The following DIPK2B variants were observed in gnomAD, a reference collection of about 807,000 sequenced individuals.
The protein encoded by DIPK2B is divergent protein kinase domain 2B.
A neutral mutation model predicts 22.2 loss-of-function variants in DIPK2B; 15 were observed. The ratio of observed to expected loss-of-function variants is 0.68; its 90% CI spans 0.45 to 1.04. DIPK2B has a LOEUF of 1.04. DIPK2B is among the 50% of genes least tolerant of loss of function. DIPK2B has a pLI of 0.00. For missense variants in DIPK2B, 345 were observed against 348.3 expected (o/e 0.99, Z 0.08); for synonymous variants, 163 against 153.2 (o/e 1.06, Z -0.47).
chrX:45,161,935 G>A (rs1361071923), intron 2 of DIPK2B, among the ~76,000 whole-genome samples: 1 of 112,006 alleles, frequency 8.9e-6, no homozygotes, highest in African/African-American at 3.3e-5. Flanking sequence ...ACTGGCTTTG[G>A]TGACTCACTT....
Position 45,200,597 on chromosome X carries a change from A to G in DIPK2B, c.230T>C (p.Ile77Thr), listed in dbSNP as rs1366078433. 1 of 1,207,434 alleles carries G rather than the reference A, an allele frequency of 8.3e-7. No homozygotes were observed. The highest frequency in any genetic ancestry group is 1.7e-5 in the African/African-American group (1 of 57,811). The change falls in exon 1 of 5, where the codon ATA becomes ACA. Residue 77 changes from isoleucine (I) to threonine (T), a missense_variant. Physicochemically the swap from Ile to Thr is moderately conservative, Grantham distance 89. Transcript: ENST00000398000. ...GTTATTTGATTGATATTCTGACCTTATTTCTTCTTTAAAGAACTTCTTGCA... is the reference window on the plus strand; with the variant it reads ...GTTATTTGATTGATATTCTGACCTTGTTTCTTCTTTAAAGAACTTCTTGCA... Reference protein sequence around the residue: ...SICKKFFKEEIRSDNWLASHL... With the variant: ...SICKKFFKEETRSDNWLASHL...
intron 2 of DIPK2B, among the ~76,000 whole-genome samples, chrX:45,186,347 T>C (rs1307896260): frequency 9.0e-6 from 1 of 111,229 alleles, no homozygotes; most frequent in East Asian, 2.8e-4. Flanking sequence ...CGGGGTCTCA[T>C]GATTTCAGTG....
Position 45,151,329 on chromosome X carries a change from T to G in DIPK2B, c.*323A>C. ...TGTGTCCCAAGACCCATGCTTGGGA[T>G]ATATGCTCAGTGGTGGCTCCATCTG... On this transcript the variant is annotated 3_prime_UTR_variant, in exon 5 of 5. Coordinates refer to ENST00000398000, the MANE Select transcript of DIPK2B (RefSeq NM_176819.4). 3.7e-6 allele frequency: 1 copy of G among 269,570 alleles called. No individual in the cohort carries two copies. The highest frequency in any genetic ancestry group is 6.5e-6 in the Non-Finnish European group (1 of 153,534). 22.2% of individuals were successfully genotyped at this position (269,570 alleles called of 1,213,427 possible). A position where few individuals can be genotyped will look rare whatever the true frequency, so the allele number is the denominator to read the frequency against.
At chrX:45,192,138 G>A (rs1380913863) in intron 1 of DIPK2B, 123 bp from the exon 2 acceptor site, 2 of 719,085 alleles carry the variant, frequency 2.8e-6, no homozygotes, top group African/African-American at 2.2e-5. Context: ...TGAGGTGTTC[G>A]AAATTCTTTC....
Position 45,151,238 on chromosome X carries a change from A to C in DIPK2B, c.*414T>G. 7.6e-6 allele frequency: 1 copy of C among 132,110 alleles called. No individual in the cohort carries two copies. The highest frequency in any genetic ancestry group is 1.5e-5 in the Non-Finnish European group (1 of 66,418). The allele number at this position is 132,110 out of a possible 1,213,427, so 10.9% of individuals were successfully genotyped here. On this transcript the variant is annotated 3_prime_UTR_variant, in exon 5 of 5. Transcript: ENST00000398000. ...CTCCTGACCTGAGCAGCTCTTTCTC[A>C]TGCTCCCCGCCTCTGTGCTTTTCCA...
At chrX:45,157,640 G>A in intron 3 of DIPK2B, 75 bp downstream of exon 3, 2 of 1,023,732 alleles carry the variant, frequency 2.0e-6, no homozygotes, top group Non-Finnish European at 2.6e-6. Flanking sequence ...AGGAGGGAGA[G>A]AGCTCAATCC....
At chrX:45,197,209 G>C (rs1399649885) in intron 1 of DIPK2B, among the ~76,000 whole-genome samples, 2 of 106,986 alleles carry the variant, frequency 1.9e-5, no homozygotes, top group Non-Finnish European at 3.9e-5. Context: ...TTTTTTGAGA[G>C]AGAGTCTTTC....
chrX:45,189,704 C>T (rs952778635), intron 2 of DIPK2B, among the ~76,000 whole-genome samples: 2 of 111,353 alleles, frequency 1.8e-5, no homozygotes, highest in African/African-American at 3.3e-5. Flanking sequence ...ACCCTGGGCC[C>T]GCTGTGGAAT....
intron 2 of DIPK2B, among the ~76,000 whole-genome samples, chrX:45,176,531 A>G (rs765858275): frequency 6.2e-5 from 7 of 112,169 alleles, no homozygotes; most frequent in Admixed American, 1.9e-4. Context: ...ATCTAAAAAC[A>G]TGATGGTATG....
intron 2 of DIPK2B, chrX:45,164,313 AT>A: frequency 8.9e-7 from 1 of 1,126,979 alleles, no homozygotes. Context: ...TGTGACATTA[AT>A]TTTCGCAGCT....
intron 2 of DIPK2B, chrX:45,162,348 CA>C (rs2047026338): frequency 1.3e-6 from 1 of 743,013 alleles, no homozygotes; most frequent in Admixed American, 8.8e-5. Context: ...TAATACACAA[CA>C]ATAGATAACT....
At chrX:45,197,891 T>C (rs757304985) in intron 1 of DIPK2B, among the ~76,000 whole-genome samples, 68 of 111,981 alleles carry the variant, frequency 6.1e-4, no homozygotes, top group Non-Finnish European at 7.5e-4. Flanking sequence ...ATGTTTGACA[T>C]AGAACTGTTT....
At chrX:45,180,615 GC>G (rs1401048969) in intron 2 of DIPK2B, among the ~76,000 whole-genome samples, 3 of 111,687 alleles carry the variant, frequency 2.7e-5, no homozygotes, top group African/African-American at 9.8e-5. Flanking sequence ...TCTATAGCAA[GC>G]TATTAGAAAT....
rs73204291 is a variant in DIPK2B, at chrX:45,149,048, C to T, written c.*2604G>A. ...GAGGAGAGAAGGGGGCAAGTGCTTA[C>T]CTTGAACCCGTGCAGGTGGACAGAT... On this transcript the variant is annotated 3_prime_UTR_variant, in exon 5 of 5. Transcript: ENST00000398000. The T allele has an allele frequency of 8.9e-6, 1 of 112,259 alleles. No homozygotes were observed. Among genetic ancestry groups the T allele is most frequent in the Non-Finnish European group, 1.9e-5 (1 of 53,258 alleles). The allele number at this position is 112,259 out of a possible 1,213,427, so 9.3% of individuals were successfully genotyped here.
In DIPK2B at chrX:45,153,923, G is replaced by A. The variant is rs763456706; in HGVS notation, c.948C>T (p.Ile316=). The A allele has an allele frequency of 5.8e-6, 7 of 1,206,855 alleles. No homozygotes were observed. Among genetic ancestry groups the A allele is most frequent in the African/African-American group, 3.5e-5 (2 of 56,630 alleles). ...CATGCTGAGTACCTTCCTGCTTGTC[G>A]ATGACGCCCACTGCACTGGCATCCC... ...FIRDASAVGV[I]DKQEGSQEAN... Residue 316 remains isoleucine, a synonymous_variant, in exon 4 of 5, where the codon ATC becomes ATT. Coordinates refer to ENST00000398000, the MANE Select transcript of DIPK2B (RefSeq NM_176819.4).
At chrX:45,185,659 T>C (rs899082492) in intron 2 of DIPK2B, among the ~76,000 whole-genome samples, 6 of 101,990 alleles carry the variant, frequency 5.9e-5, no homozygotes, top group South Asian at 4.7e-4. Context: ...TTTTCTTTTT[T>C]TTTTTTTTTT....
chrX:45,160,367 C>T (rs1445645232), intron 2 of DIPK2B, among the ~76,000 whole-genome samples: 1 of 110,532 alleles, frequency 9.0e-6, no homozygotes, highest in Admixed American at 9.6e-5. Context: ...ACTGCCATGC[C>T]TGGCTAATTT....
At chrX:45,191,352 T>G in intron 2 of DIPK2B, 1 of 144,924 alleles carries the variant, frequency 6.9e-6, no homozygotes, top group Non-Finnish European at 1.3e-5. Flanking sequence ...ACAGGATATA[T>G]ATGGGAGCTT....
intron 2 of DIPK2B, among the ~76,000 whole-genome samples, chrX:45,169,446 AGT>A (rs1171642114): frequency 8.9e-6 from 1 of 111,765 alleles, no homozygotes; most frequent in East Asian, 2.8e-4. Context: ...ATCAGTTTGC[AGT>A]GTCATCATTG....
Sources: gnomAD v4.1 joint callset for allele counts (sites outside exome capture counted in the v4.1 genomes callset) on GRCh38, gnomAD v4.1.1 for gene constraint, MANE v1.5 for transcripts, NCBI Gene and HGNC (gene_info 2026-07-23, HGNC 2026-07-21) for gene names.